DNAH6: variants seen among roughly 807,000 people sequenced by gnomAD.
DNAH6 encodes dynein axonemal heavy chain 6.
In DNAH6, 340 loss-of-function variants were observed where a neutral mutation model predicts 491.4. The ratio of observed to expected loss-of-function variants is 0.69; its 90% CI spans 0.63 to 0.76. The LOEUF is 0.76. Among genes scored for constraint, DNAH6 ranks in the 30% least tolerant of loss-of-function variants. DNAH6 has a pLI of 0.00. For synonymous variants in DNAH6, 1,603 were observed against 1,686.1 expected, an observed-to-expected ratio of 0.95 and a Z score of 1.21; for missense variants, 4,443 against 4,972.2, an observed-to-expected ratio of 0.89 and a Z score of 3.20.
intron 59 of DNAH6, among the ~76,000 whole-genome samples, chr2:84,720,428 G>A (rs963338863): frequency 1.1e-4 from 16 of 150,754 alleles, no homozygotes; most frequent in Admixed American, 7.3e-4. Flanking sequence ...ACAGGCGCCC[G>A]CCACTACGCC....
the DNAH6 span, among the ~76,000 whole-genome samples, chr2:84,506,713 A>C: frequency 2.0e-5 from 3 of 152,180 alleles, no homozygotes; most frequent in South Asian, 2.1e-4. Flanking sequence ...TTAACATGTA[A>C]GTCTTTAACC....
intron 39 of DNAH6, among the ~76,000 whole-genome samples, chr2:84,671,434 C>T (rs1168888166): frequency 3.9e-5 from 6 of 152,152 alleles, no homozygotes; most frequent in African/African-American, 1.4e-4. Context: ...GGTGGTGCAC[C>T]AGCCAGGGCT....
chr2:84,805,516 T>TGGTCGCCG, intron 70 of DNAH6, 149 bp from the exon 71 acceptor site: 1 of 648,598 alleles, frequency 1.5e-6, no homozygotes, highest in East Asian at 3.4e-5. Context: ...AGATCTCATG[T>TGGTCGCCG]TAATTGTTCT....
chr2:84,473,994 G>T, the DNAH6 span, among the ~76,000 whole-genome samples: 1 of 152,104 alleles, frequency 6.6e-6, no homozygotes, highest in African/African-American at 2.4e-5. Context: ...AGCATGCCTT[G>T]GGGTAGTACT....
chr2:84,494,062 C>T, the DNAH6 span, among the ~76,000 whole-genome samples: 1 of 152,136 alleles, frequency 6.6e-6, no homozygotes, highest in African/African-American at 2.4e-5. Context: ...GCAGCAGTTG[C>T]GTTTTGCAGG....
At chr2:84,461,829 C>T in the DNAH6 span, among the ~76,000 whole-genome samples, 1 of 152,124 alleles carries the variant, frequency 6.6e-6, no homozygotes, top group Non-Finnish European at 1.5e-5. Flanking sequence ...CAAGCCTTAC[C>T]TCCACATCCA....
the DNAH6 span, among the ~76,000 whole-genome samples, chr2:84,507,936 A>T: frequency 6.6e-6 from 1 of 152,164 alleles, no homozygotes; most frequent in Non-Finnish European, 1.5e-5. Context: ...CGTGGTGGAT[A>T]AGCTTTTTGA....
chr2:84,485,723 C>A, the DNAH6 span, among the ~76,000 whole-genome samples: 1 of 151,986 alleles, frequency 6.6e-6, no homozygotes, highest in Non-Finnish European at 1.5e-5. Flanking sequence ...GTGTTCAACC[C>A]AGCTCTATCT....
Position 84,660,148 on chromosome 2 carries a change from G to A in DNAH6, c.6084+979G>A, listed in dbSNP as rs553153670. Among the ~76,000 whole-genome samples the A allele has an allele frequency of 5.9e-5, 9 of 152,192 alleles. 2 individuals are homozygous for A. The South Asian group carries it at 1.9e-3, about 32-fold the overall frequency. On this transcript the variant is annotated intron_variant, in intron 37 of 76. Transcript: ENST00000389394. ...ATTGTCATCCTCCACTAAAGAAAAT[G>A]AGAAATTCTTAGTAAAATAGTTGAT...
chr2:84,567,127 A>G (rs1383998466), intron 11 of DNAH6, among the ~76,000 whole-genome samples: 1 of 152,146 alleles, frequency 6.6e-6, no homozygotes, highest in African/African-American at 2.4e-5. Context: ...CAACAAATAA[A>G]TCTTTTGCAA....
intron 41 of DNAH6, among the ~76,000 whole-genome samples, chr2:84,679,791 T>C (rs1918690): frequency 0.75 from 113,781 of 152,116 alleles, 42,978 homozygotes; most frequent in East Asian, 0.92. Flanking sequence ...ATACGCCTGA[T>C]ATTGGTGTAT....
rs376234785 is a variant in DNAH6, at chr2:84,557,863, T to C, written c.1731T>C (p.Cys577=). ...ACAACAAACTTGAAGGAAAAACCTG[T>C]GGAACTGGGCCAAGTTTAGCAGCAG... ...YINNKLEGKT[C]GTGPSLAAVF... The change falls in exon 11 of 77, where the codon TGT becomes TGC. Residue 577 remains cysteine (C), a synonymous_variant. Coordinates refer to ENST00000389394, the MANE Select transcript of DNAH6 (RefSeq NM_001370.2). The C allele has an allele frequency of 2.0e-5, 32 of 1,612,876 alleles. No individual in the cohort carries two copies. Among genetic ancestry groups the C allele is most frequent in the South Asian group, 2.2e-5 (2 of 91,032 alleles).
At chr2:84,777,569 C>T in intron 64 of DNAH6, 1 of 784,680 alleles carries the variant, frequency 1.3e-6, no homozygotes, top group South Asian at 1.4e-5. Context: ...AACCTCTTTC[C>T]ACTGTTACTT....
the DNAH6 span, among the ~76,000 whole-genome samples, chr2:84,498,786 AC>A: frequency 7.3e-3 from 1,109 of 151,874 alleles, 15 homozygotes; most frequent in African/African-American, 0.025. Flanking sequence ...GGTGGCTGTC[AC>A]CCCTCACTGT....
chr2:84,570,401 T>C (rs1413934389), intron 11 of DNAH6, among the ~76,000 whole-genome samples: 1 of 152,166 alleles, frequency 6.6e-6, no homozygotes, highest in African/African-American at 2.4e-5. Context: ...ATCAGCACTC[T>C]GTAAAAACAC....
In DNAH6 at chr2:84,784,523, C is replaced by T. The variant is rs561816434; in HGVS notation, c.10865-199C>T. Among the ~76,000 whole-genome samples the T allele has an allele frequency of 5.3e-5, 8 of 152,288 alleles. No individual in the cohort carries two copies. In the South Asian group the frequency reaches 1.7e-3, roughly 32 times the overall value. ...GCCTGCTTCTAGACTGCCAAACCTT[C>T]CTAACGTGAAGTTTCTAAAACAATG... On this transcript the variant is annotated intron_variant, in intron 65 of 76. Transcript: ENST00000389394.
Position 84,813,959 on chromosome 2 carries a change from T to C in DNAH6, c.11999-12T>C. The C allele has an allele frequency of 6.4e-7, 1 of 1,551,594 alleles. No homozygotes were observed. Among genetic ancestry groups the C allele is most frequent in the Non-Finnish European group, 8.7e-7 (1 of 1,146,934 alleles). On this transcript the variant is annotated splice_polypyrimidine_tract_variant and intron_variant, in intron 74 of 76. Coordinates refer to ENST00000389394, the MANE Select transcript of DNAH6 (RefSeq NM_001370.2). ...TTGTTTGAACGCAGCTTTCCGATTT[T>C]CACAATTACAGGAACTCTTCAAAAT...
At chr2:84,740,146 A>G (rs1366900154) in intron 62 of DNAH6, among the ~76,000 whole-genome samples, 3 of 150,832 alleles carry the variant, frequency 2.0e-5, no homozygotes, top group African/African-American at 4.9e-5. Context: ...CAGAGTGCCA[A>G]CTCTCTGTAC....
At chr2:84,572,165 C>T (rs1004603212) in intron 11 of DNAH6, among the ~76,000 whole-genome samples, 1 of 151,954 alleles carries the variant, frequency 6.6e-6, no homozygotes, top group Non-Finnish European at 1.5e-5. Context: ...GTAAGTAACC[C>T]CTGAAATATT....
Sources: allele counts gnomAD v4.1 joint callset (sites outside exome capture counted in the v4.1 genomes callset), GRCh38; gene constraint gnomAD v4.1.1; transcripts MANE v1.5; gene names NCBI Gene and HGNC (gene_info 2026-07-23, HGNC 2026-07-21).